TOP6BL: variants seen among roughly 807,000 people sequenced by gnomAD.
The protein encoded by TOP6BL is type 2 DNA topoisomerase 6 subunit B-like.
the TOP6BL span, among the ~76,000 whole-genome samples, chr11:66,749,399 CA>C: frequency 6.6e-6 from 1 of 151,952 alleles, no homozygotes; most frequent in African/African-American, 2.4e-5. Flanking sequence ...AAACTCTGGC[CA>C]GGGTAGCAAG....
chr11:66,758,062 A>G, the TOP6BL span: 43 of 823,666 alleles, frequency 5.2e-5, 1 homozygote, highest in Admixed American at 3.1e-4. Flanking sequence ...ATATATTTCT[A>G]TTGGTTCCTA....
the TOP6BL span, chr11:66,816,079 C>T: frequency 6.2e-7 from 1 of 1,603,522 alleles, no homozygotes. Context: ...TGTGAGTTAT[C>T]AGGTGGAATC....
chr11:66,813,825 T>A, the TOP6BL span: 2 of 1,584,144 alleles, frequency 1.3e-6, no homozygotes, highest in East Asian at 4.5e-5. Context: ...TACATAGTCA[T>A]AAGATACTAA....
At chr11:66,777,123 A>G in the TOP6BL span, among the ~76,000 whole-genome samples, 8 of 150,616 alleles carry the variant, frequency 5.3e-5, no homozygotes, top group East Asian at 1.9e-4. Context: ...ATCTATATCT[A>G]TAATGTTGTC....
At chr11:66,789,218 A>G in the TOP6BL span, among the ~76,000 whole-genome samples, 1 of 152,216 alleles carries the variant, frequency 6.6e-6, no homozygotes, top group East Asian at 1.9e-4. Context: ...AAGAAAATTA[A>G]AAGTGACTCC....
At chr11:66,832,227 A>T in the TOP6BL span, among the ~76,000 whole-genome samples, 3 of 151,392 alleles carry the variant, frequency 2.0e-5, no homozygotes, top group South Asian at 6.3e-4. Context: ...CCTCCTGAGT[A>T]GCTGGGACTA....
the TOP6BL span, among the ~76,000 whole-genome samples, chr11:66,815,189 G>GC: frequency 6.6e-6 from 1 of 152,276 alleles, no homozygotes; most frequent in South Asian, 2.1e-4. Context: ...TCTAGGGATC[G>GC]CCATACCTCC....
At chr11:66,801,079 G>A in the TOP6BL span, 2 of 1,613,836 alleles carry the variant, frequency 1.2e-6, no homozygotes, top group Non-Finnish European at 8.5e-7. Context: ...TTGCTCTTTT[G>A]GTCGACTCCC....
At chr11:66,808,115 A>G in the TOP6BL span, among the ~76,000 whole-genome samples, 211 of 152,390 alleles carry the variant, frequency 1.4e-3, no homozygotes, top group African/African-American at 5.0e-3. Context: ...GCACACACAC[A>G]TGCACAGTCA....
the TOP6BL span, chr11:66,843,357 C>CGGGCGGGGCG: frequency 3.7e-5 from 54 of 1,455,372 alleles, no homozygotes; most frequent in East Asian, 1.3e-4. Flanking sequence ...GCGTCGGGCC[C>CGGGCGGGGCG]GGGCGGGGCG....
At chr11:66,794,975 A>G in the TOP6BL span, among the ~76,000 whole-genome samples, 1 of 152,060 alleles carries the variant, frequency 6.6e-6, no homozygotes, top group Admixed American at 6.6e-5. Flanking sequence ...TCTACAGAAA[A>G]TACAAAAAAT....
the TOP6BL span, among the ~76,000 whole-genome samples, chr11:66,840,240 C>T: frequency 5.3e-5 from 8 of 152,308 alleles, no homozygotes; most frequent in African/African-American, 1.9e-4. Context: ...CCCTGCCTTT[C>T]TGGCCTTTGT....
At chr11:66,785,490 A>C in the TOP6BL span, among the ~76,000 whole-genome samples, 1 of 152,184 alleles carries the variant, frequency 6.6e-6, no homozygotes, top group Non-Finnish European at 1.5e-5. Context: ...ATTAAGAGCT[A>C]ATTGTTCATG....
the TOP6BL span, among the ~76,000 whole-genome samples, chr11:66,746,187 T>G: frequency 1.3e-5 from 2 of 152,212 alleles, no homozygotes; most frequent in Non-Finnish European, 2.9e-5. Flanking sequence ...TCTTGTTAAC[T>G]GGTACAAATG....
chr11:66,804,408 T>C, the TOP6BL span, among the ~76,000 whole-genome samples: 163 of 152,320 alleles, frequency 1.1e-3, no homozygotes, highest in East Asian at 0.021. Context: ...TACAATCCAA[T>C]ATGACTGAAG....
the TOP6BL span, among the ~76,000 whole-genome samples, chr11:66,811,475 A>T: frequency 6.6e-6 from 1 of 152,190 alleles, no homozygotes. Context: ...TACAGGCATG[A>T]GCTACTGTGC....
chr11:66,833,462 G>A, the TOP6BL span, among the ~76,000 whole-genome samples: 2 of 152,102 alleles, frequency 1.3e-5, no homozygotes, highest in African/African-American at 4.8e-5. Flanking sequence ...GGACATATTT[G>A]GGGTGGGGGA....
chr11:66,788,822 C>T, the TOP6BL span, among the ~76,000 whole-genome samples: 3 of 152,166 alleles, frequency 2.0e-5, no homozygotes, highest in East Asian at 5.8e-4. Flanking sequence ...GCAGTCATAG[C>T]ACACTACAGA....
chr11:66,819,399 A>T, the TOP6BL span, among the ~76,000 whole-genome samples: 1 of 152,230 alleles, frequency 6.6e-6, no homozygotes, highest in Non-Finnish European at 1.5e-5. Flanking sequence ...TTAAAACCAA[A>T]CTATGGAAAA....
Sources: allele counts gnomAD v4.1 joint callset (sites outside exome capture counted in the v4.1 genomes callset), GRCh38; gene constraint gnomAD v4.1.1; transcripts MANE v1.5; gene names NCBI Gene and HGNC (gene_info 2026-07-23, HGNC 2026-07-21).